Variants in GLDN observed in about 807,000 individuals in gnomAD.
GLDN encodes the protein collomin.
In GLDN, 47 loss-of-function variants were observed where a neutral mutation model predicts 56.5. The observed-to-expected ratio is 0.83, with a 90% CI of 0.66 to 1.06. The LOEUF (loss-of-function observed/expected upper bound fraction) is 1.06, where lower values mean the gene tolerates loss of function less well. Among genes scored for constraint, GLDN ranks in the 50% least tolerant of loss-of-function variants. GLDN has a pLI of 0.00. For missense variants in GLDN, 782 were observed against 714.3 expected, an observed-to-expected ratio of 1.09 and a Z score of -1.08; for synonymous variants, 332 against 278.8, an observed-to-expected ratio of 1.19 and a Z score of -1.90.
chr15:51,375,317 C>T (rs1346103934), intron 1 of GLDN, among the ~76,000 whole-genome samples: 1 of 151,746 alleles, frequency 6.6e-6, no homozygotes, highest in Non-Finnish European at 1.5e-5. Flanking sequence ...CTCCATTTTC[C>T]CCTCACTTGA....
At chr15:51,342,145 G>T in intron 1 of GLDN, 98 bp downstream of exon 1, 1 of 1,460,562 alleles carries the variant, frequency 6.8e-7, no homozygotes, top group Non-Finnish European at 9.3e-7. Flanking sequence ...TGGCCAGGCT[G>T]CGAGGTGCTG....
chr15:51,399,833 C>T (rs1284610991), intron 6 of GLDN, among the ~76,000 whole-genome samples: 2 of 152,220 alleles, frequency 1.3e-5, no homozygotes, highest in Non-Finnish European at 2.9e-5. Context: ...GTGATGCCAC[C>T]TGCCAGACAG....
At chr15:51,344,225 TG>T (rs1423513943) in intron 1 of GLDN, among the ~76,000 whole-genome samples, 1 of 152,164 alleles carries the variant, frequency 6.6e-6, no homozygotes, top group Non-Finnish European at 1.5e-5. Context: ...TGAATTAATT[TG>T]TTAGGCCACA....
At chr15:51,356,612 G>A (rs1021409680) in intron 1 of GLDN, among the ~76,000 whole-genome samples, 9 of 152,282 alleles carry the variant, frequency 5.9e-5, no homozygotes, top group Admixed American at 5.2e-4. Flanking sequence ...ATGGTAAAGA[G>A]CGTGGGCATT....
intron 5 of GLDN, among the ~76,000 whole-genome samples, chr15:51,396,578 A>C (rs914138561): frequency 6.6e-6 from 1 of 152,246 alleles, no homozygotes; most frequent in Admixed American, 6.5e-5. Context: ...ACATGTGAAC[A>C]TAACTATATA....
rs1460448006 is a variant in GLDN at position 51,407,954 on chromosome 15, T to C, written c.*3200T>C. The C allele has an allele frequency of 6.6e-6, 1 of 152,254 alleles. No individual in the cohort carries two copies. The highest frequency in any genetic ancestry group is 1.5e-5 in the Non-Finnish European group (1 of 68,050). 9.4% of individuals were successfully genotyped at this position (152,254 alleles called of 1,614,324 possible). The stretch of plus-strand genomic sequence containing the variant: ...AAATGAATAACGATGAATGTCTTTT[T>C]GGTTGTAATTTAACAAGTCAAATAA... On this transcript the variant is annotated 3_prime_UTR_variant, in exon 10 of 10. Coordinates refer to ENST00000335449, the MANE Select transcript of GLDN (RefSeq NM_181789.4).
At chr15:51,409,062 G>A (rs1204016272), downstream of GLDN, among the ~76,000 whole-genome samples, 2 of 106,282 alleles carry the variant, frequency 1.9e-5, no homozygotes, top group Admixed American at 1.9e-4. Context: ...AACAACAGGG[G>A]CTGCTATAAA....
intron 5 of GLDN, among the ~76,000 whole-genome samples, chr15:51,396,644 C>T (rs772665921): frequency 4.6e-5 from 7 of 152,190 alleles, no homozygotes; most frequent in Admixed American, 6.5e-5. Context: ...AGAGACTTTG[C>T]TAGTAGCTGG....
At chr15:51,359,719 G>A (rs1420091875) in intron 1 of GLDN, among the ~76,000 whole-genome samples, 1 of 152,162 alleles carries the variant, frequency 6.6e-6, no homozygotes, top group Non-Finnish European at 1.5e-5. Flanking sequence ...GCTCATGCCT[G>A]TAATCCCAGC....
chr15:51,356,391 C>T (rs1053973439), intron 1 of GLDN, among the ~76,000 whole-genome samples: 3 of 152,124 alleles, frequency 2.0e-5, no homozygotes, highest in Non-Finnish European at 4.4e-5. Context: ...AGTGAGGAAA[C>T]ATGGAAGCGG....
intron 4 of GLDN, among the ~76,000 whole-genome samples, chr15:51,389,643 G>A (rs558253112): frequency 3.6e-4 from 55 of 152,254 alleles, no homozygotes; most frequent in African/African-American, 1.1e-3. Context: ...GTAGAGGAGC[G>A]GTGGGAAAGG....
chr15:51,401,416 T>C (rs1374730662), intron 8 of GLDN, among the ~76,000 whole-genome samples, 177 bp from the exon 9 acceptor site: 1 of 152,188 alleles, frequency 6.6e-6, no homozygotes, highest in Non-Finnish European at 1.5e-5. Flanking sequence ...ATTTCAGAAA[T>C]CCATATGGAG....
chr15:51,371,972 G>T (rs1362377553), intron 1 of GLDN, among the ~76,000 whole-genome samples: 1 of 152,134 alleles, frequency 6.6e-6, no homozygotes, highest in Non-Finnish European at 1.5e-5. Context: ...GGCATGAGCC[G>T]CCGCGCCTGG....
At chr15:51,373,960 C>T (rs56346545) in intron 1 of GLDN, among the ~76,000 whole-genome samples, 45,243 of 152,010 alleles carry the variant, frequency 0.3, 7,042 homozygotes, top group Admixed American at 0.4. Context: ...TCATTATGAC[C>T]AGAAAAAAGT....
chr15:51,377,256 TCACCATTGTGTA>T (rs1245703543), intron 1 of GLDN, 181 bp from the exon 2 acceptor site: 1 of 566,868 alleles, frequency 1.8e-6, no homozygotes, highest in Non-Finnish European at 3.1e-6. Flanking sequence ...TCTTATGAAA[TCACCATTGTGTA>T]TGATTCGTTG....
intron 2 of GLDN, among the ~76,000 whole-genome samples, chr15:51,382,600 C>T (rs1387424857): frequency 6.6e-6 from 1 of 151,052 alleles, no homozygotes; most frequent in Non-Finnish European, 1.5e-5. Flanking sequence ...GTGGCGGGTG[C>T]CTGTAGTCCC....
At chr15:51,399,686 G>T (rs144029431) in intron 6 of GLDN, among the ~76,000 whole-genome samples, 1,570 of 152,234 alleles carry the variant, frequency 0.01, 21 homozygotes, top group African/African-American at 0.036. Flanking sequence ...CCTCTAAATC[G>T]GTGTTTCCCT....
intron 1 of GLDN, among the ~76,000 whole-genome samples, chr15:51,361,766 A>G (rs2037304342): frequency 6.6e-6 from 1 of 152,188 alleles, no homozygotes; most frequent in South Asian, 2.1e-4. Flanking sequence ...GATAAGTGCT[A>G]TGAAGAACAA....
At chr15:51,361,561 C>T (rs781317975) in intron 1 of GLDN, among the ~76,000 whole-genome samples, 1 of 152,160 alleles carries the variant, frequency 6.6e-6, no homozygotes. Context: ...TAGAGAACTG[C>T]TCTACCAATC....
Sources: gnomAD v4.1 joint callset for allele counts (sites outside exome capture counted in the v4.1 genomes callset) on GRCh38, gnomAD v4.1.1 for gene constraint, MANE v1.5 for transcripts, NCBI Gene and HGNC (gene_info 2026-07-23, HGNC 2026-07-21) for gene names.